Variants in GIGYF1 observed in about 807,000 individuals in gnomAD.
GIGYF1 encodes GRB10 interacting GYF protein 1.
GIGYF1 carries 84 observed loss-of-function variants against 147.1 expected under a neutral mutation model. The observed-to-expected ratio is 0.57, with a 90% CI of 0.48 to 0.68. GIGYF1 has a LOEUF of 0.68. Ranked by LOEUF, GIGYF1 falls within the 30% of genes least tolerant of loss-of-function variation. The pLI is 0.00. For synonymous variants in GIGYF1, 752 were observed against 589.5 expected (o/e 1.28, Z -3.99); for missense variants, 1,485 against 1,393.7 (o/e 1.07, Z -1.04).
intron 12 of GIGYF1, 66 bp from the exon 13 acceptor site, chr7:100,685,547 C>T (rs1805241263): frequency 6.4e-7 from 1 of 1,561,140 alleles, no homozygotes; most frequent in Non-Finnish European, 8.6e-7. Flanking sequence ...TTAGCACAAG[C>T]CCTTGAGTGT....
chr7:100,686,459 A>T, intron 10 of GIGYF1, 26 bp from the exon 11 acceptor site: 5 of 1,560,052 alleles, frequency 3.2e-6, no homozygotes, highest in Non-Finnish European at 4.3e-6. Context: ...CAGGGAGAAG[A>T]AGAGTGGGTA....
chr7:100,688,329 G>A, intron 3 of GIGYF1, 22 bp from the exon 4 acceptor site: 1 of 1,102,350 alleles, frequency 9.1e-7, no homozygotes, highest in Non-Finnish European at 1.4e-6. Flanking sequence ...CAGGGGCCAT[G>A]AAGAACAGCA....
intron 1 of GIGYF1, among the ~76,000 whole-genome samples, chr7:100,690,781 C>CAA (rs34194201): frequency 0.23 from 20,969 of 93,138 alleles, 3,612 homozygotes; most frequent in East Asian, 0.66. Context: ...GACTCTGTCT[C>CAA]AAAAAAAAAA....
At position 100,683,269 on chromosome 7, in the gene GIGYF1, G is replaced by GT. The variant is rs573370693; in HGVS notation, c.2193+34dup. ...ATGGTGAGGGGACCTGGCGAGGGTT[G>GT]TCCACCCAGCCAGCTGAGGCTTGGG... On this transcript the variant is annotated intron_variant, in intron 21 of 26. Transcript: ENST00000678049. 2.5e-6 allele frequency: 4 copies of GT among 1,613,478 alleles called. No homozygotes were observed. The South Asian group carries it at 3.3e-5, about 13-fold the overall frequency.
chr7:100,683,626 T>TCAC lies in GIGYF1; in HGVS notation c.1973_1975dup (p.Gly658dup). On this transcript the variant is annotated inframe_insertion, in exon 20 of 27. Coordinates refer to ENST00000678049, the MANE Select transcript of GIGYF1 (RefSeq NM_001375765.1). ...AATTGGTATGTCCCAAAGACTGGCC[T>TCAC]CACCACCTGCAGGGGGCAGGGGGGC... 6.2e-7 allele frequency: 1 copy of TCAC among 1,614,062 alleles called. No individual in the cohort carries two copies. The highest frequency in any genetic ancestry group is 8.5e-7 in the Non-Finnish European group (1 of 1,179,898).
rs563987336 is a variant in GIGYF1, at chr7:100,683,178, G to A, written c.2246C>T (p.Pro749Leu). Residue 749 changes from proline (P) to leucine (L), a missense_variant, in exon 22 of 27, where the codon CCT becomes CTT. Transcript: ENST00000678049. Reference sequence around the variant, plus strand: ...CGGGGAGCTGGGTGCGGGGGGCACAGGGACCGCCTGCTGCTGCTGTAGCAA... The same window carrying A: ...CGGGGAGCTGGGTGCGGGGGGCACAAGGACCGCCTGCTGCTGCTGTAGCAA... ...LKLLQQQQAV[P>L]VPPAPSSPPP... 2.0e-5 allele frequency: 32 copies of A among 1,605,946 alleles called. No homozygotes were observed. In the South Asian group the frequency reaches 3.5e-4, roughly 18 times the overall value.
rs768995848 is a variant in GIGYF1 at position 100,680,541 on chromosome 7, C to T, written c.*1178G>A. 6.5e-6 allele frequency: 1 copy of T among 152,674 alleles called. No homozygotes were observed. The highest frequency in any genetic ancestry group is 1.5e-5 in the Non-Finnish European group (1 of 68,090). The allele number at this position is 152,674 out of a possible 1,614,324, so 9.5% of individuals were successfully genotyped here. A position where few individuals can be genotyped will look rare whatever the true frequency, so the allele number is the denominator to read the frequency against. On this transcript the variant is annotated 3_prime_UTR_variant, in exon 27 of 27. Coordinates refer to ENST00000678049, the MANE Select transcript of GIGYF1 (RefSeq NM_001375765.1). ...CGGTAAAAAGCGCATCATATCAGAC[C>T]CGGAAGGCCACCTGCTCCTCTCCCA...
In GIGYF1 at chr7:100,684,004, C is replaced by A; in HGVS notation, c.1868+16G>T. The A allele has an allele frequency of 6.3e-7, 1 of 1,580,976 alleles. No homozygotes were observed. Among genetic ancestry groups the A allele is most frequent in the Admixed American group, 1.7e-5 (1 of 58,524 alleles). On this transcript the variant is annotated intron_variant, in intron 18 of 26. Coordinates refer to ENST00000678049, the MANE Select transcript of GIGYF1 (RefSeq NM_001375765.1). ...CCCCCCACCCTGTATCCTGAGGGCT[C>A]GCACGCACCACGCACCTGGGGGGTT...
rs1294556484 is a variant in GIGYF1 at position 100,686,997 on chromosome 7, G to A, written c.523+9C>T. On this transcript the variant is annotated intron_variant, in intron 9 of 26. Transcript: ENST00000678049. ...GCCGCCCCGGCCGCCGCCCTCAGCA[G>A]CCTCGTACCTCCATCCCGCCTTGCT... is the stretch of plus-strand genomic sequence containing the variant. The A allele has an allele frequency of 1.9e-6, 3 of 1,613,764 alleles. No homozygotes were observed. Among genetic ancestry groups the A allele is most frequent in the Admixed American group, 1.7e-5 (1 of 60,008 alleles).
intron 1 of GIGYF1, among the ~76,000 whole-genome samples, chr7:100,693,731 G>A (rs1259499085): frequency 1.3e-5 from 2 of 151,906 alleles, no homozygotes; most frequent in South Asian, 2.1e-4. Flanking sequence ...GGGGGCGACC[G>A]TTAGGAGCGC....
intron 1 of GIGYF1, among the ~76,000 whole-genome samples, chr7:100,690,803 T>A (rs1449749397): frequency 7.1e-4 from 65 of 91,370 alleles, no homozygotes; most frequent in African/African-American, 2.4e-3. Context: ...AAAAAAAAAA[T>A]TTAAAGCGAT....
At position 100,684,629 on chromosome 7, in the gene GIGYF1, C is replaced by A; in HGVS notation, c.1463-13G>T. 2 of 1,613,892 alleles carry A rather than the reference C, an allele frequency of 1.2e-6. No homozygotes were observed. Among genetic ancestry groups the A allele is most frequent in the Non-Finnish European group, 1.7e-6 (2 of 1,179,900 alleles). ...GTCGTGAAGGGGCCTGGACAGGGAG[C>A]GAGGGAGCGGGAGAACCACTGGGGT... On this transcript the variant is annotated splice_polypyrimidine_tract_variant and intron_variant, in intron 15 of 26. Coordinates refer to ENST00000678049, the MANE Select transcript of GIGYF1 (RefSeq NM_001375765.1).
Position 100,681,962 on chromosome 7 carries a change from G to T in GIGYF1, c.2957C>A (p.Thr986Lys). ...GGTGCTGTGGTTGGCCTGGAAGGCC[G>T]TCTGCAGCGAGGCGCTGCTCAGCCA... ...EAWLSSASLQ[T>K]AFQANHSTKL... Residue 986 changes from threonine to lysine, a missense_variant, in exon 26 of 27, where the codon ACG (threonine) becomes AAG (lysine). Transcript: ENST00000678049. 6.2e-7 allele frequency: 1 copy of T among 1,609,136 alleles called. No individual in the cohort carries two copies.
At position 100,688,535 on chromosome 7, in the gene GIGYF1, G is replaced by A. The variant is rs1189510983; in HGVS notation, c.-134-20C>T. On this transcript the variant is annotated intron_variant, in intron 2 of 26. Coordinates refer to ENST00000678049, the MANE Select transcript of GIGYF1 (RefSeq NM_001375765.1). ...AAAGACCTGGGGGAGGCGAGGAGATGGGAAGCTCGAGTCCTTTCGGCCTCA... is the reference window on the plus strand; with the variant it reads ...AAAGACCTGGGGGAGGCGAGGAGATAGGAAGCTCGAGTCCTTTCGGCCTCA... The A allele has an allele frequency of 3.1e-6, 2 of 644,104 alleles. No individual in the cohort carries two copies. The highest frequency in any genetic ancestry group is 3.6e-5 in the African/African-American group (2 of 56,034). The allele number at this position is 644,104 out of a possible 1,614,324, so 39.9% of individuals were successfully genotyped here.
In GIGYF1 at chr7:100,686,451, G is replaced by C. The variant is rs958793992; in HGVS notation, c.695-18C>G. 6.4e-7 allele frequency: 1 copy of C among 1,567,016 alleles called. No homozygotes were observed. The highest frequency in any genetic ancestry group is 8.6e-7 in the Non-Finnish European group (1 of 1,157,984). On this transcript the variant is annotated intron_variant, in intron 10 of 26. Coordinates refer to ENST00000678049, the MANE Select transcript of GIGYF1 (RefSeq NM_001375765.1). The stretch of plus-strand genomic sequence containing the variant: ...ACCACCATCTGCACAGGAAAAGTCA[G>C]GGAGAAGAAGAGTGGGTACCCAAGC...
chr7:100,686,858 A>C (rs1805398764), intron 9 of GIGYF1, 39 bp from the exon 10 acceptor site: 1 of 1,606,150 alleles, frequency 6.2e-7, no homozygotes, highest in East Asian at 2.2e-5. Context: ...TTAGAAAGGC[A>C]GCGTGGTGCC....
At chr7:100,685,671 C>T (rs773864682) in intron 12 of GIGYF1, among the ~76,000 whole-genome samples, 190 bp from the exon 13 acceptor site, 1 of 152,236 alleles carries the variant, frequency 6.6e-6, no homozygotes, top group South Asian at 2.1e-4. Context: ...CGCTGCCAGA[C>T]GCGGCAGGAA....
intron 1 of GIGYF1, among the ~76,000 whole-genome samples, chr7:100,690,299 A>C (rs542060098): frequency 4.9e-4 from 75 of 152,278 alleles, no homozygotes; most frequent in Middle Eastern, 3.4e-3. Context: ...TCCTTCTAGA[A>C]GGCCAGAAGC....
rs761872840 is a variant in GIGYF1, at chr7:100,684,139, G to C, written c.1749C>G (p.Cys583Trp). 1.2e-6 allele frequency: 2 copies of C among 1,608,998 alleles called. No individual in the cohort carries two copies. Among genetic ancestry groups the C allele is most frequent in the Non-Finnish European group, 1.7e-6 (2 of 1,179,692 alleles). Residue 583 changes from cysteine to tryptophan, a missense_variant, in exon 18 of 27, where the codon TGC (cysteine) becomes TGG (tryptophan). By Grantham distance (215) the Cys-to-Trp change is radical. Transcript: ENST00000678049. ...QLVSSRQLPQ[C>W]ALREKAALGD... ...CCAGAGCTGCCTTTTCTCGGAGCGC[G>C]CACTGTGGGAGCTGGCGGCTGCAAA...
Sources: gnomAD v4.1 joint callset for allele counts (sites outside exome capture counted in the v4.1 genomes callset) on GRCh38, gnomAD v4.1.1 for gene constraint, MANE v1.5 for transcripts, NCBI Gene and HGNC (gene_info 2026-07-23, HGNC 2026-07-21) for gene names.